KDM4C: variants seen among roughly 807,000 people sequenced by gnomAD.
KDM4C encodes lysine-specific demethylase 4C.
Under a neutral mutation model 129.3 loss-of-function variants are expected in KDM4C, and 81 were observed. The ratio of observed to expected loss-of-function variants is 0.63; its 90% CI spans 0.52 to 0.75. The LOEUF (loss-of-function observed/expected upper bound fraction) is 0.75. KDM4C is among the 30% of genes least tolerant of loss of function. KDM4C has a pLI of 0.00. For missense variants in KDM4C, 1,457 were observed against 1,304.0 expected, an observed-to-expected ratio of 1.12 and a Z score of -1.81; for synonymous variants, 573 against 456.1, an observed-to-expected ratio of 1.26 and a Z score of -3.26.
chr9:7,007,803 A>G (rs555362806), intron 12 of KDM4C, among the ~76,000 whole-genome samples: 130 of 152,324 alleles, frequency 8.5e-4, no homozygotes, highest in African/African-American at 3.1e-3. Context: ...TTTAAATTAT[A>G]TTAATTCATT....
chr9:6,801,675 A>G (rs946357768), intron 2 of KDM4C, among the ~76,000 whole-genome samples: 33 of 152,164 alleles, frequency 2.2e-4, no homozygotes, highest in Admixed American at 3.3e-4. Context: ...ATGCCTCCAT[A>G]TACACATACA....
chr9:7,028,653 G>C (rs34667144), intron 15 of KDM4C, among the ~76,000 whole-genome samples: 15 of 152,096 alleles, frequency 9.9e-5, no homozygotes, highest in Non-Finnish European at 2.1e-4. Context: ...GACTCGCCTA[G>C]GAGTTGCAGT....
intron 12 of KDM4C, among the ~76,000 whole-genome samples, chr9:7,009,455 TTC>T (rs1453589427): frequency 6.6e-6 from 1 of 152,140 alleles, no homozygotes; most frequent in Admixed American, 6.5e-5. Flanking sequence ...TATGCATACA[TTC>T]TTTTTTTTTC....
chr9:6,842,396 G>A (rs1837121830), intron 4 of KDM4C, among the ~76,000 whole-genome samples: 1 of 138,598 alleles, frequency 7.2e-6, no homozygotes, highest in Non-Finnish European at 1.5e-5. Flanking sequence ...ATGGCTCACT[G>A]CAACCTCGGC....
At chr9:7,048,423 CTTTATA>C (rs1248540801) in intron 16 of KDM4C, among the ~76,000 whole-genome samples, 4 of 151,880 alleles carry the variant, frequency 2.6e-5, no homozygotes, top group African/African-American at 7.3e-5. Context: ...CCTCATGATT[CTTTATA>C]TTTATTTTGG....
At chr9:6,933,490 C>T (rs2131327859) in intron 8 of KDM4C, among the ~76,000 whole-genome samples, 1 of 152,270 alleles carries the variant, frequency 6.6e-6, no homozygotes, top group Admixed American at 6.5e-5. Context: ...AATAGTGATT[C>T]TGATGATGAA....
At chr9:6,738,991 C>T (rs1817608198) in intron 1 of KDM4C, among the ~76,000 whole-genome samples, 1 of 152,066 alleles carries the variant, frequency 6.6e-6, no homozygotes, top group East Asian at 1.9e-4. Context: ...AGCCTCCCAC[C>T]TGAGCCTCCC....
At chr9:6,982,464 G>C (rs1816935320) in intron 9 of KDM4C, 1 of 152,188 alleles carries the variant, frequency 6.6e-6, no homozygotes, top group African/African-American at 2.4e-5. Flanking sequence ...TGCTTCCTCT[G>C]TGGTAAGGGC....
intron 4 of KDM4C, among the ~76,000 whole-genome samples, chr9:6,822,471 A>C (rs1004898483): frequency 2.6e-5 from 4 of 152,228 alleles, no homozygotes; most frequent in Non-Finnish European, 5.9e-5. Context: ...AGTGTTTGGT[A>C]ATTTCAGGAA....
In KDM4C at chr9:7,165,218, T is replaced by C. The variant is rs1844249586; in HGVS notation, c.2782-20T>C. The C allele has an allele frequency of 1.9e-6, 3 of 1,611,832 alleles. No homozygotes were observed. In the Admixed American group the frequency reaches 5.1e-5, roughly 27 times the overall value. ...ACTTAGGCACTCCTTTTGAAAAGCC[T>C]GTCTCTGTTTATTCTGCAGAGCCGA... On this transcript the variant is annotated intron_variant, in intron 19 of 21. Transcript: ENST00000381309.
At chr9:6,837,801 C>T (rs777494549) in intron 4 of KDM4C, among the ~76,000 whole-genome samples, 1 of 152,072 alleles carries the variant, frequency 6.6e-6, no homozygotes, top group Non-Finnish European at 1.5e-5. Flanking sequence ...GTCTTATTTA[C>T]AATGTCTTTT....
chr9:7,153,618 G>A (rs1332070803), intron 19 of KDM4C, among the ~76,000 whole-genome samples: 1 of 152,162 alleles, frequency 6.6e-6, no homozygotes, highest in Non-Finnish European at 1.5e-5. Context: ...ATATTCCATT[G>A]TTAAGTGAGA....
intron 2 of KDM4C, among the ~76,000 whole-genome samples, chr9:6,802,239 A>G (rs1483599952): frequency 6.6e-6 from 1 of 152,226 alleles, no homozygotes; most frequent in African/African-American, 2.4e-5. Flanking sequence ...ACTAAGAGTT[A>G]AATGATGGAC....
intron 1 of KDM4C, among the ~76,000 whole-genome samples, chr9:6,748,437 G>A (rs1817954464): frequency 6.6e-6 from 1 of 151,710 alleles, no homozygotes; most frequent in Non-Finnish European, 1.5e-5. Context: ...AACCTGGGAG[G>A]TGGAGGTTGC....
intron 5 of KDM4C, among the ~76,000 whole-genome samples, chr9:6,878,943 C>T (rs1468867709): frequency 6.6e-6 from 1 of 152,118 alleles, no homozygotes; most frequent in South Asian, 2.1e-4. Context: ...TTTTGTCTTC[C>T]CATTTCGGTT....
chr9:6,873,931 TGAGAGAGAGCGAGAGA>T (rs1160823201), intron 5 of KDM4C, among the ~76,000 whole-genome samples: 28 of 105,994 alleles, frequency 2.6e-4, no homozygotes, highest in African/African-American at 8.9e-4. Context: ...AGAGAGAGAG[TGAGAGAGAGCGAGAGA>T]GAGAGAGAGA....
intron 19 of KDM4C, among the ~76,000 whole-genome samples, chr9:7,143,692 A>G (rs1016629976): frequency 8.5e-5 from 13 of 152,334 alleles, no homozygotes; most frequent in African/African-American, 3.1e-4. Flanking sequence ...TTTTGATTTG[A>G]CAGGTTTTCA....
chr9:6,977,715 A>G (rs557480630), intron 8 of KDM4C, among the ~76,000 whole-genome samples: 1 of 152,012 alleles, frequency 6.6e-6, no homozygotes, highest in Non-Finnish European at 1.5e-5. Context: ...GAAGCCATGG[A>G]GTTGAGTCTG....
In KDM4C at chr9:6,811,798, G is replaced by A. The variant is rs552026554; in HGVS notation, c.321-2833G>A. ...TGAATGGAAGCCTGAGTTTAAACAT[G>A]TGTAGCCTGGCCCTGGAGCTCACCT... On this transcript the variant is annotated intron_variant, in intron 3 of 21. Coordinates refer to ENST00000381309, the MANE Select transcript of KDM4C (RefSeq NM_015061.6). Among the ~76,000 whole-genome samples, 9 of 152,194 alleles carry A rather than the reference G, an allele frequency of 5.9e-5. No homozygotes were observed. In the East Asian group the frequency reaches 1.7e-3, roughly 29 times the overall value.
Sources: gnomAD v4.1 joint callset for allele counts (sites outside exome capture counted in the v4.1 genomes callset) on GRCh38, gnomAD v4.1.1 for gene constraint, MANE v1.5 for transcripts, NCBI Gene and HGNC (gene_info 2026-07-23, HGNC 2026-07-21) for gene names.